The following RALGPS2 variants were observed in gnomAD, a reference collection of about 807,000 sequenced individuals.
The protein encoded by RALGPS2 is ras-specific guanine nucleotide-releasing factor RalGPS2.
RALGPS2 carries 43 observed loss-of-function variants against 86.8 expected under a neutral mutation model. The ratio of observed to expected loss-of-function variants is 0.50; its 90% CI spans 0.39 to 0.64. RALGPS2 has a LOEUF of 0.64. Ranked by LOEUF, RALGPS2 falls within the 30% of genes least tolerant of loss-of-function variation. The pLI, the probability that RALGPS2 is intolerant of heterozygous loss-of-function variation, is 0.00. For missense variants in RALGPS2, 536 were observed against 694.6 expected (o/e 0.77, Z 2.57); for synonymous variants, 243 against 231.3 (o/e 1.05, Z -0.46).
rs543842312 is a variant in RALGPS2 at position 178,747,751 on chromosome 1, GC to G, written c.-84+22333del. The G allele has an allele frequency of 3.4e-5, 36 of 1,063,030 alleles. No homozygotes were observed. In the South Asian group the frequency reaches 4.4e-4, roughly 13 times the overall value. The allele number at this position is 1,063,030 out of a possible 1,614,324, so 65.8% of individuals were successfully genotyped here. A position where few individuals can be genotyped will look rare whatever the true frequency, so the allele number is the denominator to read the frequency against. ...TTGAACTCCCACTTGATGGTGGTGG[GC>G]ATGGCAGCAGGAGCGAGCTGGTGCG... On this transcript the variant is annotated intron_variant, in intron 1 of 19. Transcript: ENST00000367635.
chr1:178,891,399 T>G (rs1659705377), intron 14 of RALGPS2, among the ~76,000 whole-genome samples: 1 of 152,098 alleles, frequency 6.6e-6, no homozygotes, highest in African/African-American at 2.4e-5. Context: ...CATTTTCTGT[T>G]CTTATTTTCT....
At chr1:178,733,826 A>T (rs1347576989) in intron 1 of RALGPS2, among the ~76,000 whole-genome samples, 2 of 152,214 alleles carry the variant, frequency 1.3e-5, no homozygotes, top group African/African-American at 4.8e-5. Context: ...CTTACGTATG[A>T]CACAAAGTGA....
At chr1:178,746,710 T>A in intron 1 of RALGPS2, 5 of 776,596 alleles carry the variant, frequency 6.4e-6, no homozygotes, top group Non-Finnish European at 7.2e-6. Flanking sequence ...TTGGCCTTTT[T>A]CTTTTTCGTT....
At chr1:178,865,605 G>A in intron 8 of RALGPS2, 1 of 1,613,962 alleles carries the variant, frequency 6.2e-7, no homozygotes, top group South Asian at 1.1e-5. Context: ...GTTATTCTTT[G>A]TTCAGGTACC....
chr1:178,773,956 G>A (rs960575028), intron 1 of RALGPS2, among the ~76,000 whole-genome samples: 4 of 152,134 alleles, frequency 2.6e-5, no homozygotes, highest in Admixed American at 6.5e-5. Flanking sequence ...TAAAAGCAGA[G>A]AAGGCCAGGT....
chr1:178,880,082 A>G (rs1181886956), intron 10 of RALGPS2, among the ~76,000 whole-genome samples: 1 of 152,118 alleles, frequency 6.6e-6, no homozygotes, highest in Non-Finnish European at 1.5e-5. Flanking sequence ...GCAAGCTTTC[A>G]AATTGAATTT....
intron 8 of RALGPS2, among the ~76,000 whole-genome samples, chr1:178,852,410 G>T (rs1418064092): frequency 6.6e-6 from 1 of 152,164 alleles, no homozygotes; most frequent in Non-Finnish European, 1.5e-5. Flanking sequence ...GTTATGAATT[G>T]TAGGCACTTG....
intron 6 of RALGPS2, among the ~76,000 whole-genome samples, chr1:178,816,708 ATTTTT>A (rs1238092158): frequency 7.4e-6 from 1 of 134,350 alleles, no homozygotes; most frequent in African/African-American, 2.7e-5. Flanking sequence ...GTTTGAAGTG[ATTTTT>A]TTTTTTTTTT....
chr1:178,748,813 T>C (rs2102038716), intron 1 of RALGPS2, among the ~76,000 whole-genome samples: 1 of 140,194 alleles, frequency 7.1e-6, no homozygotes, highest in South Asian at 2.2e-4. Context: ...ATTGCGCCAC[T>C]GCATTCCAAC....
chr1:178,819,482 T>C (rs2102220978), intron 6 of RALGPS2, among the ~76,000 whole-genome samples: 1 of 152,292 alleles, frequency 6.6e-6, no homozygotes, highest in Admixed American at 6.5e-5. Flanking sequence ...CTTTATGCAA[T>C]GAGAGTCTCT....
rs1401531104 is a variant in RALGPS2, at chr1:178,918,815, A to G, written c.*2456A>G. On this transcript the variant is annotated 3_prime_UTR_variant, in exon 20 of 20. Coordinates refer to ENST00000367635, the MANE Select transcript of RALGPS2 (RefSeq NM_152663.5). ...TATAATTTACCAAATAATACCTGAT[A>G]ATAATTCAAAGAAAATATGTTACCA... 1 of 152,136 alleles carries G rather than the reference A, an allele frequency of 6.6e-6. No individual in the cohort carries two copies. The highest frequency in any genetic ancestry group is 1.5e-5 in the Non-Finnish European group (1 of 67,960). The allele number at this position is 152,136 out of a possible 1,614,324, so 9.4% of individuals were successfully genotyped here. A position where few individuals can be genotyped will look rare whatever the true frequency, so the allele number is the denominator to read the frequency against.
intron 1 of RALGPS2, among the ~76,000 whole-genome samples, chr1:178,768,296 C>T (rs190289858): frequency 9.8e-5 from 15 of 152,326 alleles, no homozygotes; most frequent in African/African-American, 3.6e-4. Context: ...TCCTTCTCAT[C>T]TGGAGACATT....
chr1:178,812,168 T>C lies in RALGPS2; in HGVS notation c.387+764T>C, dbSNP rs1307633208. ...CAGGGCCAAATGGTTGATGCTTAAA[T>C]ATCTTCTTCACTGGGGAGAGGGGAG... On this transcript the variant is annotated intron_variant, in intron 6 of 19. Transcript: ENST00000367635. Among the ~76,000 whole-genome samples, 3 of 152,236 alleles carry C rather than the reference T, an allele frequency of 2.0e-5. No homozygotes were observed. The East Asian group carries it at 5.8e-4, about 29-fold the overall frequency.
At chr1:178,801,494 G>C (rs1279351075) in intron 4 of RALGPS2, among the ~76,000 whole-genome samples, 1 of 151,958 alleles carries the variant, frequency 6.6e-6, no homozygotes, top group African/African-American at 2.4e-5. Flanking sequence ...AAGGAAGCCA[G>C]ACAAAAGTAT....
chr1:178,814,888 A>G (rs992266285), intron 6 of RALGPS2, among the ~76,000 whole-genome samples: 8 of 152,312 alleles, frequency 5.3e-5, no homozygotes, highest in East Asian at 1.9e-4. Context: ...ATTGTTGCCA[A>G]TTCTGGTGGA....
intron 14 of RALGPS2, among the ~76,000 whole-genome samples, chr1:178,890,850 C>G (rs922699833): frequency 6.6e-6 from 1 of 151,792 alleles, no homozygotes. Context: ...TTTCTTGCAA[C>G]CTTTACTTCT....
intron 1 of RALGPS2, among the ~76,000 whole-genome samples, chr1:178,739,683 C>G (rs1650914185): frequency 6.6e-6 from 1 of 152,162 alleles, no homozygotes; most frequent in Non-Finnish European, 1.5e-5. Flanking sequence ...TATTGTTATT[C>G]ACTAACTTAG....
chr1:178,811,373 A>T lies in RALGPS2; in HGVS notation c.356A>T (p.Glu119Val), dbSNP rs1410320963. Residue 119 changes from glutamate (E) to valine (V), a missense_variant, in exon 6 of 20, where the codon GAA becomes GTA. By Grantham distance (121) the Glu-to-Val change is moderately radical. Around this residue, in one of 3 missense-constraint regions of RALGPS2, gnomAD observed 184 missense variants for 296.7 expected, o/e 0.62. Coordinates refer to ENST00000367635, the MANE Select transcript of RALGPS2 (RefSeq NM_152663.5). ...GCTCAAACATTAAAAATTAGAGCAG[A>T]AGTTTTGAGCCACTATATTAAAACT... ...LHAQTLKIRA[E>V]VLSHYIKTAK... 1 of 1,549,836 alleles carries T rather than the reference A, an allele frequency of 6.5e-7. No homozygotes were observed. Among genetic ancestry groups the T allele is most frequent in the Non-Finnish European group, 8.6e-7 (1 of 1,158,434 alleles).
At chr1:178,892,911 T>C (rs927700856) in intron 15 of RALGPS2, among the ~76,000 whole-genome samples, 3 of 152,064 alleles carry the variant, frequency 2.0e-5, no homozygotes, top group Admixed American at 6.6e-5. Context: ...TACAACAAAA[T>C]ACCAAACTTC....
Sources: allele counts gnomAD v4.1 joint callset (sites outside exome capture counted in the v4.1 genomes callset), GRCh38; gene constraint gnomAD v4.1.1; regional missense constraint gnomAD v4.1.1; transcripts MANE v1.5; gene names NCBI Gene and HGNC (gene_info 2026-07-23, HGNC 2026-07-21).